The following SLC38A11 variants were observed in gnomAD, a reference collection of about 807,000 sequenced individuals.
SLC38A11 encodes solute carrier family 38 member 11.
SLC38A11 carries 51 observed loss-of-function variants against 49.4 expected under a neutral mutation model. The observed-to-expected ratio is 1.03, with a 90% CI of 0.83 to 1.30. The LOEUF is 1.30. Ranked by LOEUF, SLC38A11 falls within the 50% of genes most tolerant of loss-of-function variation. The pLI is 0.00. For synonymous variants in SLC38A11, 203 were observed against 192.9 expected (o/e 1.05, Z -0.43); for missense variants, 574 against 556.2 (o/e 1.03, Z -0.32).
chr2:164,930,099 A>G (rs1449960659), intron 7 of SLC38A11, among the ~76,000 whole-genome samples: 2 of 151,990 alleles, frequency 1.3e-5, no homozygotes, highest in Non-Finnish European at 2.9e-5. Context: ...AAATACAAAT[A>G]AAAATTAGAG....
Position 164,908,638 on chromosome 2 carries a change from AC to A in SLC38A11, c.1095+1del. On this transcript the variant is annotated splice_donor_variant, in intron 11 of 11. Coordinates refer to ENST00000685975, the MANE Select transcript of SLC38A11 (RefSeq NM_001351537.2). LOFTEE classifies it high-confidence loss of function. ...AAGGGGTAAATCTTTGCACGTACTC[AC>A]ATTGAGTTCTAGAACTATCCCGAGG... 6.5e-7 allele frequency: 1 copy of A among 1,542,000 alleles called. No homozygotes were observed. The highest frequency in any genetic ancestry group is 8.8e-7 in the Non-Finnish European group (1 of 1,139,244).
chr2:164,946,743 G>A (rs1688137939), intron 3 of SLC38A11, among the ~76,000 whole-genome samples: 1 of 152,100 alleles, frequency 6.6e-6, no homozygotes, highest in Non-Finnish European at 1.5e-5. Context: ...CACAATGTGA[G>A]ATACTTGTTC....
intron 10 of SLC38A11, among the ~76,000 whole-genome samples, chr2:164,910,172 A>C (rs1358920459): frequency 6.6e-6 from 1 of 152,076 alleles, no homozygotes; most frequent in Non-Finnish European, 1.5e-5. Flanking sequence ...TCTTCTGCTG[A>C]GTATTTGCTA....
At chr2:164,946,543 C>A (rs1327381137) in intron 3 of SLC38A11, among the ~76,000 whole-genome samples, 1 of 121,734 alleles carries the variant, frequency 8.2e-6, no homozygotes, top group African/African-American at 3.2e-5. Flanking sequence ...TCCAGCTTGG[C>A]AACACAGCGA....
rs1046282358 is a variant in SLC38A11 at position 164,894,625 on chromosome 2, C to T, written c.*3812G>A. 6.6e-6 allele frequency among the ~76,000 whole-genome samples: 1 copy of T among 152,120 alleles called. No homozygotes were observed. The highest frequency in any genetic ancestry group is 1.5e-5 in the Non-Finnish European group (1 of 68,026). ...TCAGGTAACCTTCCCTGAGTGCTGG[C>T]AGGCTCAGAACCAGGCCTGCAGCTT... is the stretch of plus-strand genomic sequence containing the variant. On this transcript the variant is annotated 3_prime_UTR_variant, in exon 12 of 12. Coordinates refer to ENST00000685975, the MANE Select transcript of SLC38A11 (RefSeq NM_001351537.2).
In SLC38A11 at chr2:164,898,614, A is replaced by G. The variant is rs777417819; in HGVS notation, c.1212T>C (p.Ile404=). ...DKIMSCVMLP[I]GAVVMVFGFV... is the part of the protein sequence containing the mutation. ...ATCCAAAAACCATCACCACAGCACCAATGGGAAGCATGACACAAGACATAA... is the reference window on the plus strand; with the variant it reads ...ATCCAAAAACCATCACCACAGCACCGATGGGAAGCATGACACAAGACATAA... The change falls in exon 12 of 12, where the codon ATT becomes ATC. Residue 404 remains isoleucine, a synonymous_variant. Transcript: ENST00000685975. The G allele has an allele frequency of 6.2e-7, 1 of 1,613,640 alleles. No homozygotes were observed. The highest frequency in any genetic ancestry group is 8.5e-7 in the Non-Finnish European group (1 of 1,179,750).
At position 164,927,764 on chromosome 2, in the gene SLC38A11, G is replaced by C. The variant is rs34127832; in HGVS notation, c.617+9586C>G. Among the ~76,000 whole-genome samples the C allele has an allele frequency of 8.6e-5, 13 of 151,952 alleles. 1 individual carries two copies. The highest frequency in any genetic ancestry group is 1.6e-4 in the Non-Finnish European group (11 of 67,940). Reference sequence around the variant, plus strand: ...CCTGAAATATTACCTGCCTGCACAGGTTAGGCTAAGGACCCTTCCTCTGTT... The same window carrying C: ...CCTGAAATATTACCTGCCTGCACAGCTTAGGCTAAGGACCCTTCCTCTGTT... On this transcript the variant is annotated intron_variant, in intron 7 of 11. Coordinates refer to ENST00000685975, the MANE Select transcript of SLC38A11 (RefSeq NM_001351537.2).
At chr2:164,935,459 C>T (rs1349658881) in intron 7 of SLC38A11, among the ~76,000 whole-genome samples, 1 of 140,442 alleles carries the variant, frequency 7.1e-6, no homozygotes, top group Non-Finnish European at 1.5e-5. Flanking sequence ...TGTTTGAGGT[C>T]AGGAGTTTGA....
Position 164,915,263 on chromosome 2 carries a change from G to T in SLC38A11, c.699C>A (p.Cys233Ter), listed in dbSNP as rs774549895. The change falls in exon 9 of 12, where the codon TGC becomes TGA. Residue 233 changes from cysteine (C) to a stop codon, truncating the protein, a stop_gained. Transcript: ENST00000685975. LOFTEE classifies it high-confidence loss of function. ...AVGVMSFAFICHHNSFLVYSS... is the reference protein window; with the variant it reads ...AVGVMSFAFI ...TGTAAACTAAGAAGGAGTTATGGTG[G>T]CAAATAAATGCTGCAATACAAAAAA... is the stretch of plus-strand genomic sequence containing the variant. 6.3e-7 allele frequency: 1 copy of T among 1,590,170 alleles called. No individual in the cohort carries two copies. Among genetic ancestry groups the T allele is most frequent in the Non-Finnish European group, 8.5e-7 (1 of 1,171,870 alleles).
In SLC38A11 at chr2:164,948,242, T is replaced by C. The variant is rs556487963; in HGVS notation, c.230-2515A>G. On this transcript the variant is annotated intron_variant, in intron 3 of 11. Coordinates refer to ENST00000685975, the MANE Select transcript of SLC38A11 (RefSeq NM_001351537.2). ...GAGTGGGAACTAACGCTATTTCTAC[T>C]TATTTTTGACAAGCTGCACGTGACA... Among the ~76,000 whole-genome samples, 15 of 152,320 alleles carry C rather than the reference T, an allele frequency of 9.8e-5. No individual in the cohort carries two copies. The South Asian group carries it at 3.1e-3, about 32-fold the overall frequency.
intron 3 of SLC38A11, among the ~76,000 whole-genome samples, chr2:164,951,662 G>A (rs997146709): frequency 6.6e-6 from 1 of 152,294 alleles, no homozygotes; most frequent in African/African-American, 2.4e-5. Flanking sequence ...GAGGTTTTAC[G>A]AGGGATGGCA....
chr2:164,900,462 G>T (rs1559082693), intron 11 of SLC38A11, among the ~76,000 whole-genome samples: 1 of 151,974 alleles, frequency 6.6e-6, no homozygotes, highest in Non-Finnish European at 1.5e-5. Context: ...GTCAACATTT[G>T]TTATTTCTGG....
chr2:164,927,726 T>A (rs1686701603), intron 7 of SLC38A11, among the ~76,000 whole-genome samples: 1 of 152,160 alleles, frequency 6.6e-6, no homozygotes, highest in South Asian at 2.1e-4. Context: ...CAAAAAGCCA[T>A]GTATTTTCTT....
Position 164,949,343 on chromosome 2 carries a change from G to T in SLC38A11, c.229+3364C>A, listed in dbSNP as rs553726462. On this transcript the variant is annotated intron_variant, in intron 3 of 11. Transcript: ENST00000685975. ...AGCTCACTGCAACCTCTGCCTCCTGGGTTCAAGCGATTCTCCTGCCTCAGC... is the reference window on the plus strand; with the variant it reads ...AGCTCACTGCAACCTCTGCCTCCTGTGTTCAAGCGATTCTCCTGCCTCAGC... 1.6e-3 allele frequency among the ~76,000 whole-genome samples: 248 copies of T among 152,134 alleles called. 2 individuals are homozygous for T. The highest frequency in any genetic ancestry group is 0.014 in the South Asian group (69 of 4,812).
At position 164,898,036 on chromosome 2, in the gene SLC38A11, T is replaced by C. The variant is rs1684417201; in HGVS notation, c.*401A>G. 1 of 156,224 alleles carries C rather than the reference T, an allele frequency of 6.4e-6. No homozygotes were observed. Among genetic ancestry groups the C allele is most frequent in the African/African-American group, 2.4e-5 (1 of 41,390 alleles). The allele number at this position is 156,224 out of a possible 1,614,324, so 9.7% of individuals were successfully genotyped here. A position where few individuals can be genotyped will look rare whatever the true frequency, so the allele number is the denominator to read the frequency against. ...CCCTTCTCTTCAGTTCCACAGACTTTTAAGGACAAAGAAAATGCCCACCCC... is the reference window on the plus strand; with the variant it reads ...CCCTTCTCTTCAGTTCCACAGACTTCTAAGGACAAAGAAAATGCCCACCCC... On this transcript the variant is annotated 3_prime_UTR_variant, in exon 12 of 12. Transcript: ENST00000685975.
chr2:164,955,195 G>A lies in SLC38A11; in HGVS notation c.39+14C>T, dbSNP rs1366796830. The A allele has an allele frequency of 5.8e-6, 9 of 1,550,514 alleles. No individual in the cohort carries two copies. Among genetic ancestry groups the A allele is most frequent in the Non-Finnish European group, 7.0e-6 (8 of 1,146,864 alleles). On this transcript the variant is annotated intron_variant, in intron 1 of 11. Transcript: ENST00000685975. ...GACAACTGGCTTCAGAACCTGCCTA[G>A]TCGCTAGTTTTACCTGCGGCGGGAT...
chr2:164,954,765 T>C lies in SLC38A11; in HGVS notation c.40-20A>G. The C allele has an allele frequency of 7.6e-7, 1 of 1,315,716 alleles. No homozygotes were observed. The highest frequency in any genetic ancestry group is 1.4e-5 in the South Asian group (1 of 69,970). 81.5% of individuals were successfully genotyped at this position (1,315,716 alleles called of 1,614,324 possible). Reference sequence around the variant, plus strand: ...ATCTCTCTAATAGATAAAATAGCAATTATAAGCAAATACTAGTTCAGAAAA... The same window carrying C: ...ATCTCTCTAATAGATAAAATAGCAACTATAAGCAAATACTAGTTCAGAAAA... On this transcript the variant is annotated intron_variant, in intron 1 of 11. Coordinates refer to ENST00000685975, the MANE Select transcript of SLC38A11 (RefSeq NM_001351537.2).
Position 164,950,354 on chromosome 2 carries a change from A to G in SLC38A11, c.229+2353T>C, listed in dbSNP as rs76163631. ...GTATGAAGGCTTGCTGAAGAAGGGT[A>G]TGGTTGGGATGAGAACACTGAGCAT... is the stretch of plus-strand genomic sequence containing the variant. On this transcript the variant is annotated intron_variant, in intron 3 of 11. Coordinates refer to ENST00000685975, the MANE Select transcript of SLC38A11 (RefSeq NM_001351537.2). Among the ~76,000 whole-genome samples, 1,275 of 152,290 alleles carry G rather than the reference A, an allele frequency of 8.4e-3. 14 individuals carry two copies. The highest frequency in any genetic ancestry group is 0.029 in the African/African-American group (1,206 of 41,554).
At chr2:164,912,866 C>CA (rs1685497041) in intron 9 of SLC38A11, among the ~76,000 whole-genome samples, 1 of 151,924 alleles carries the variant, frequency 6.6e-6, no homozygotes, top group Admixed American at 6.6e-5. Context: ...CAATTACCTA[C>CA]AACTGTACAG....
Sources: gnomAD v4.1 joint callset for allele counts (sites outside exome capture counted in the v4.1 genomes callset) on GRCh38, gnomAD v4.1.1 for gene constraint, MANE v1.5 for transcripts, NCBI Gene and HGNC (gene_info 2026-07-23, HGNC 2026-07-21) for gene names.